CALD1: variants seen among roughly 807,000 people sequenced by gnomAD.
CALD1 encodes the protein caldesmon 1, also known as caldesmon.
A neutral mutation model predicts 99.9 loss-of-function variants in CALD1; 33 were observed. The observed-to-expected ratio is 0.33, with a 90% CI of 0.25 to 0.44. The LOEUF is 0.44. Ranked by LOEUF, CALD1 falls within the 20% of genes least tolerant of loss-of-function variation. The probability of loss-of-function intolerance (pLI) is 1.00; values close to 1 mark genes in which losing one functional copy is unlikely to be tolerated. For missense variants in CALD1, 861 were observed against 962.1 expected, an observed-to-expected ratio of 0.89 and a Z score of 1.39; for synonymous variants, 310 against 325.0, an observed-to-expected ratio of 0.95 and a Z score of 0.50.
At chr7:134,791,253 G>A (rs1797521161) in intron 1 of CALD1, among the ~76,000 whole-genome samples, 3 of 152,220 alleles carry the variant, frequency 2.0e-5, no homozygotes, top group Admixed American at 2.0e-4. Context: ...CTGGAGTGCA[G>A]TGGCACGATC....
intron 1 of CALD1, among the ~76,000 whole-genome samples, chr7:134,771,713 G>A (rs1456924973): frequency 6.6e-6 from 1 of 152,116 alleles, no homozygotes; most frequent in African/African-American, 2.4e-5. Context: ...CCTCTGGATG[G>A]CGGATCTGGC....
intron 2 of CALD1, among the ~76,000 whole-genome samples, chr7:134,859,546 C>T (rs561100165): frequency 3.3e-5 from 5 of 152,288 alleles, no homozygotes; most frequent in African/African-American, 1.2e-4. Flanking sequence ...TCTCTTCATT[C>T]TTCTAAGAAA....
chr7:134,886,692 G>A (rs2132465610), intron 3 of CALD1, among the ~76,000 whole-genome samples: 1 of 152,300 alleles, frequency 6.6e-6, no homozygotes, highest in Middle Eastern at 3.4e-3. Flanking sequence ...GAGATAAGTA[G>A]GTTTCTATTT....
intron 14 of CALD1, 78 bp downstream of exon 14, chr7:134,965,464 T>A (rs547886931): frequency 1.1e-4 from 87 of 783,996 alleles, no homozygotes; most frequent in Non-Finnish European, 1.8e-4. Flanking sequence ...TGGAGTCAGA[T>A]GAGAAATATC....
chr7:134,897,643 G>A (rs952748345), intron 3 of CALD1, among the ~76,000 whole-genome samples: 2 of 151,926 alleles, frequency 1.3e-5, no homozygotes, highest in African/African-American at 4.8e-5. Flanking sequence ...TGACAACCCA[G>A]GCTGCCAGCT....
At chr7:134,747,366 G>A (rs536298648) in intron 1 of CALD1, among the ~76,000 whole-genome samples, 1 of 152,346 alleles carries the variant, frequency 6.6e-6, no homozygotes, top group Admixed American at 6.5e-5. Flanking sequence ...CATTCTGACA[G>A]TGTGAAAGAA....
At chr7:134,932,747 G>C (rs1003028519) in intron 4 of CALD1, among the ~76,000 whole-genome samples, 22 of 152,234 alleles carry the variant, frequency 1.4e-4, no homozygotes, top group African/African-American at 5.3e-4. Flanking sequence ...CTGCTCCCAG[G>C]GGACATTAAT....
intron 3 of CALD1, among the ~76,000 whole-genome samples, chr7:134,923,084 AAC>A (rs1232614877): frequency 3.3e-5 from 5 of 152,114 alleles, no homozygotes; most frequent in Admixed American, 6.6e-5. Flanking sequence ...CGTCAGTGTG[AAC>A]ACACACACAC....
chr7:134,853,696 T>A (rs2132234127), intron 2 of CALD1, among the ~76,000 whole-genome samples: 1 of 152,318 alleles, frequency 6.6e-6, no homozygotes, highest in African/African-American at 2.4e-5. Flanking sequence ...CATAAACATT[T>A]ATTGAATTTT....
intron 1 of CALD1, among the ~76,000 whole-genome samples, chr7:134,819,297 A>G (rs886977816): frequency 1.2e-4 from 18 of 152,172 alleles, no homozygotes; most frequent in African/African-American, 4.3e-4. Context: ...CCACTTCCTA[A>G]GGAAAGCTTA....
intron 7 of CALD1, chr7:134,944,526 AATATAC>A (rs1256750473): frequency 4.0e-5 from 6 of 151,540 alleles, no homozygotes; most frequent in Non-Finnish European, 5.9e-5. Context: ...CATGATATAT[AATATAC>A]ATATATATAT....
chr7:134,941,043 AATAAG>A (rs1244205094), intron 6 of CALD1, 44 bp from the exon 7 acceptor site: 5 of 1,516,466 alleles, frequency 3.3e-6, no homozygotes, highest in Non-Finnish European at 4.4e-6. Context: ...ACCAAAACCT[AATAAG>A]ATTTTTCTTG....
intron 1 of CALD1, among the ~76,000 whole-genome samples, chr7:134,815,198 A>C (rs1411756885): frequency 6.6e-6 from 1 of 152,182 alleles, no homozygotes; most frequent in African/African-American, 2.4e-5. Flanking sequence ...TTTGGGGATG[A>C]AGTGGGTTAG....
Position 134,968,430 on chromosome 7 carries a change from G to A in CALD1, c.*85G>A. ...ATTCGCTCTGTTTTGTATTTATGTT[G>A]ATTTACTAAATTGGGTTCATTATCT... On this transcript the variant is annotated 3_prime_UTR_variant, in exon 15 of 15. Transcript: ENST00000361675. The A allele has an allele frequency of 8.3e-7, 1 of 1,202,972 alleles. No individual in the cohort carries two copies. Among genetic ancestry groups the A allele is most frequent in the Non-Finnish European group, 1.2e-6 (1 of 807,256 alleles). The allele number at this position is 1,202,972 out of a possible 1,614,324, so 74.5% of individuals were successfully genotyped here.
chr7:134,916,448 A>T (rs1000149398), intron 3 of CALD1, among the ~76,000 whole-genome samples: 3 of 152,202 alleles, frequency 2.0e-5, no homozygotes, highest in African/African-American at 7.2e-5. Flanking sequence ...GAAGCAGAAA[A>T]GCTCCAGAGG....
chr7:134,884,634 C>CAA lies in CALD1; in HGVS notation c.71+16842_71+16843dup, dbSNP rs11449787. Among the ~76,000 whole-genome samples the CAA allele has an allele frequency of 2.4e-3, 347 of 144,424 alleles. 2 individuals are homozygous for CAA. The highest frequency in any genetic ancestry group is 4.9e-3 in the Admixed American group (71 of 14,508). 94.7% of individuals were successfully genotyped at this position (144,424 alleles called of 152,430 possible). A position where few individuals can be genotyped will look rare whatever the true frequency, so the allele number is the denominator to read the frequency against. On this transcript the variant is annotated intron_variant, in intron 3 of 14. Coordinates refer to ENST00000361675, the MANE Select transcript of CALD1 (RefSeq NM_033138.4). Reference sequence around the variant, plus strand: ...TGGTGCAGAACTGTTATGAATACTCCAAAAAAAAAAAAAGGCCAATCTTTA... The same window carrying CAA: ...TGGTGCAGAACTGTTATGAATACTCCAAAAAAAAAAAAAAAGGCCAATCTTTA...
chr7:134,749,956 G>C (rs905540790), intron 1 of CALD1, among the ~76,000 whole-genome samples: 1 of 152,076 alleles, frequency 6.6e-6, no homozygotes, highest in African/African-American at 2.4e-5. Flanking sequence ...CCTTCTATAA[G>C]GGAACCATAG....
intron 3 of CALD1, among the ~76,000 whole-genome samples, chr7:134,923,734 T>C (rs1478657760): frequency 1.3e-5 from 2 of 152,264 alleles, no homozygotes; most frequent in South Asian, 2.1e-4. Context: ...TGTGTACTTG[T>C]CTTTTTGGAC....
the CALD1 span, among the ~76,000 whole-genome samples, chr7:134,718,043 T>A: frequency 6.6e-6 from 1 of 152,226 alleles, no homozygotes; most frequent in Non-Finnish European, 1.5e-5. Flanking sequence ...TGGTACCTAT[T>A]TTTCTTTTTC....
Sources: gnomAD v4.1 joint callset for allele counts (sites outside exome capture counted in the v4.1 genomes callset) on GRCh38, gnomAD v4.1.1 for gene constraint, MANE v1.5 for transcripts, NCBI Gene and HGNC (gene_info 2026-07-23, HGNC 2026-07-21) for gene names.